DLG2: variants seen among roughly 807,000 people sequenced by gnomAD.
DLG2 encodes the protein disks large homolog 2.
A neutral mutation model predicts 132.5 loss-of-function variants in DLG2; 45 were observed. The observed-to-expected ratio is 0.34, with a 90% CI of 0.27 to 0.44. The LOEUF is 0.44. Ranked by LOEUF, DLG2 falls within the 20% of genes least tolerant of loss-of-function variation. The pLI is 1.00. For synonymous variants in DLG2, 424 were observed against 419.6 expected (o/e 1.01, Z -0.13); for missense variants, 1,045 against 1,196.9 (o/e 0.87, Z 1.87).
chr11:84,789,155 T>C (rs1221401931), intron 6 of DLG2, among the ~76,000 whole-genome samples: 2 of 152,186 alleles, frequency 1.3e-5, no homozygotes, highest in African/African-American at 4.8e-5. Flanking sequence ...GAAACTGCAG[T>C]GTTTTCATGA....
At position 84,080,663 on chromosome 11, in the gene DLG2, T is replaced by C. The variant is rs190366298; in HGVS notation, c.749+18260A>G. On this transcript the variant is annotated intron_variant, in intron 10 of 27. Coordinates refer to ENST00000376104, the MANE Select transcript of DLG2 (RefSeq NM_001142699.3). ...GCAGATAAACAGGGGAAACAGCTAA[T>C]AATTCATTTTTCAATTCATTGTTTT... 3.4e-4 allele frequency among the ~76,000 whole-genome samples: 52 copies of C among 152,312 alleles called. No homozygotes were observed. The Middle Eastern group carries it at 0.014, about 40-fold the overall frequency.
At chr11:84,178,842 A>T (rs2096045126) in intron 8 of DLG2, among the ~76,000 whole-genome samples, 1 of 152,186 alleles carries the variant, frequency 6.6e-6, no homozygotes, top group Admixed American at 6.6e-5. Flanking sequence ...TTAGTTTTTA[A>T]ACCAACATTT....
chr11:84,144,161 C>T (rs185411019), intron 9 of DLG2, among the ~76,000 whole-genome samples: 8 of 152,120 alleles, frequency 5.3e-5, no homozygotes, highest in Non-Finnish European at 1.0e-4. Context: ...GACAAAAGCA[C>T]CAATGCAAAC....
At chr11:83,888,486 G>A (rs967733265) in intron 15 of DLG2, among the ~76,000 whole-genome samples, 2 of 152,116 alleles carry the variant, frequency 1.3e-5, no homozygotes, top group Admixed American at 1.3e-4. Flanking sequence ...CCATGCTCAT[G>A]GGTAGGAAGA....
intron 3 of DLG2, among the ~76,000 whole-genome samples, chr11:85,328,645 A>G (rs2081533732): frequency 2.1e-5 from 3 of 146,068 alleles, no homozygotes; most frequent in African/African-American, 7.7e-5. Context: ...AGAGCTATCT[A>G]TGACAAACCC....
At chr11:83,932,453 C>T (rs529405644) in intron 14 of DLG2, among the ~76,000 whole-genome samples, 135 of 152,222 alleles carry the variant, frequency 8.9e-4, no homozygotes, top group Middle Eastern at 3.4e-3. Flanking sequence ...CAAGGATGGT[C>T]TTGATCTCCT....
chr11:83,773,394 T>A (rs1343694066), intron 18 of DLG2, among the ~76,000 whole-genome samples: 2 of 152,246 alleles, frequency 1.3e-5, no homozygotes, highest in African/African-American at 4.8e-5. Context: ...ATATTTTATA[T>A]TTCAATTAAT....
chr11:83,467,810 T>TACATATATATATATATATATATACACAC, intron 25 of DLG2, among the ~76,000 whole-genome samples: 1 of 96,312 alleles, frequency 1.0e-5, no homozygotes, highest in Non-Finnish European at 2.0e-5. Flanking sequence ...TATATATATA[T>TACATATATATATATATATATATACACAC]ACACACACAC....
At chr11:84,081,781 G>A (rs148614485) in intron 10 of DLG2, among the ~76,000 whole-genome samples, 175 of 152,270 alleles carry the variant, frequency 1.1e-3, no homozygotes, top group African/African-American at 2.6e-3. Context: ...ATAAACATAC[G>A]TGTGCATGTG....
intron 20 of DLG2, among the ~76,000 whole-genome samples, chr11:83,537,817 AAAAAAAAAAAAAAAAAAAG>A (rs1461104021): frequency 8.4e-5 from 12 of 142,276 alleles, no homozygotes; most frequent in Non-Finnish European, 1.8e-4. Flanking sequence ...CAAAAAAAAA[AAAAAAAAAAAAAAAAAAAG>A]AGAGAGAGAG....
chr11:84,622,415 A>T (rs763621012), intron 6 of DLG2, among the ~76,000 whole-genome samples: 2 of 152,154 alleles, frequency 1.3e-5, no homozygotes, highest in Admixed American at 1.3e-4. Flanking sequence ...AATCAGACCA[A>T]CTACAAACAT....
intron 5 of DLG2, among the ~76,000 whole-genome samples, chr11:85,143,072 G>A (rs2076602744): frequency 6.6e-6 from 1 of 151,740 alleles, no homozygotes; most frequent in South Asian, 2.1e-4. Context: ...CTCATGAAAT[G>A]AGTTTGGAAG....
At chr11:84,740,351 GC>G (rs2064433957) in intron 6 of DLG2, among the ~76,000 whole-genome samples, 2 of 152,194 alleles carry the variant, frequency 1.3e-5, no homozygotes, top group African/African-American at 4.8e-5. Context: ...AGGCTCCATT[GC>G]CACTGGATAT....
At chr11:83,944,632 C>A (rs560114063) in intron 14 of DLG2, among the ~76,000 whole-genome samples, 3 of 152,290 alleles carry the variant, frequency 2.0e-5, no homozygotes, top group African/African-American at 7.2e-5. Flanking sequence ...AGAGCCAAAC[C>A]TTCTGTCTAT....
At chr11:84,323,641 T>C (rs1479192414) in intron 7 of DLG2, among the ~76,000 whole-genome samples, 3 of 151,986 alleles carry the variant, frequency 2.0e-5, no homozygotes, top group Non-Finnish European at 2.9e-5. Flanking sequence ...AACCGTACCA[T>C]TTTACATTCC....
At chr11:84,841,794 C>G (rs2080728789) in intron 6 of DLG2, among the ~76,000 whole-genome samples, 1 of 151,852 alleles carries the variant, frequency 6.6e-6, no homozygotes, top group Admixed American at 6.6e-5. Context: ...AAATACAATT[C>G]CCTGTTTTAG....
intron 3 of DLG2, among the ~76,000 whole-genome samples, chr11:85,325,316 G>A (rs1343862372): frequency 6.6e-6 from 1 of 152,158 alleles, no homozygotes; most frequent in Non-Finnish European, 1.5e-5. Flanking sequence ...ACGTCTGGGG[G>A]CAGGGCACAG....
intron 8 of DLG2, among the ~76,000 whole-genome samples, chr11:84,250,976 T>C (rs1379920384): frequency 6.6e-6 from 1 of 152,232 alleles, no homozygotes; most frequent in Non-Finnish European, 1.5e-5. Flanking sequence ...GTGAGCCACT[T>C]AGCAAACTAA....
At chr11:84,062,190 TC>T (rs2096602022) in intron 10 of DLG2, among the ~76,000 whole-genome samples, 1 of 152,200 alleles carries the variant, frequency 6.6e-6, no homozygotes, top group Non-Finnish European at 1.5e-5. Flanking sequence ...AGATGTTCAT[TC>T]CTGAATATGT....
Sources: allele counts gnomAD v4.1 joint callset (sites outside exome capture counted in the v4.1 genomes callset), GRCh38; gene constraint gnomAD v4.1.1; transcripts MANE v1.5; gene names NCBI Gene and HGNC (gene_info 2026-07-23, HGNC 2026-07-21).